Variants in MITF observed in about 807,000 individuals in gnomAD.
MITF encodes microphthalmia-associated transcription factor.
MITF carries 17 observed loss-of-function variants against 60.5 expected under a neutral mutation model. The observed-to-expected ratio is 0.28, with a 90% CI of 0.19 to 0.42. The LOEUF (loss-of-function observed/expected upper bound fraction) is 0.42. Among genes scored for constraint, MITF ranks in the 10% least tolerant of loss-of-function variants. MITF has a pLI of 1.00. For missense variants in MITF, 622 were observed against 683.5 expected, an observed-to-expected ratio of 0.91 and a Z score of 1.00; for synonymous variants, 260 against 248.5, an observed-to-expected ratio of 1.05 and a Z score of -0.43.
chr3:69,845,011 T>C (rs2063705946), intron 1 of MITF, among the ~76,000 whole-genome samples: 1 of 152,230 alleles, frequency 6.6e-6, no homozygotes, highest in Non-Finnish European at 1.5e-5. Flanking sequence ...GATGTTTAAC[T>C]GTAAACCCTC....
intron 5 of MITF, among the ~76,000 whole-genome samples, chr3:69,946,865 T>C (rs1021704969): frequency 3.3e-5 from 5 of 152,176 alleles, no homozygotes; most frequent in African/African-American, 1.2e-4. Flanking sequence ...TCTGTAGTTT[T>C]TCATGCATCT....
chr3:69,794,533 C>G (rs1380749147), intron 1 of MITF, among the ~76,000 whole-genome samples: 1 of 152,112 alleles, frequency 6.6e-6, no homozygotes, highest in African/African-American at 2.4e-5. Flanking sequence ...GCTGGAGAAC[C>G]AATTCTCATG....
intron 1 of MITF, among the ~76,000 whole-genome samples, chr3:69,798,930 A>G (rs1480629055): frequency 6.6e-6 from 1 of 152,112 alleles, no homozygotes; most frequent in Non-Finnish European, 1.5e-5. Flanking sequence ...GTACTTAATT[A>G]CTTAATTTGC....
At chr3:69,897,051 A>G (rs544216938) in intron 2 of MITF, among the ~76,000 whole-genome samples, 216 of 152,270 alleles carry the variant, frequency 1.4e-3, no homozygotes, top group African/African-American at 5.0e-3. Flanking sequence ...AATGCAAGGT[A>G]GCAGAAGGTA....
chr3:69,951,446 G>A (rs1166074461), intron 6 of MITF, among the ~76,000 whole-genome samples: 3 of 151,984 alleles, frequency 2.0e-5, no homozygotes, highest in Non-Finnish European at 4.4e-5. Flanking sequence ...TCTATGGCCT[G>A]AAAAGAAAAT....
At chr3:69,925,988 A>G (rs922531717) in intron 2 of MITF, among the ~76,000 whole-genome samples, 2 of 152,118 alleles carry the variant, frequency 1.3e-5, no homozygotes, top group Non-Finnish European at 2.9e-5. Context: ...TTTTCATGCA[A>G]TCAGGGCCTG....
chr3:69,801,509 G>A (rs112223434), intron 1 of MITF, among the ~76,000 whole-genome samples: 5 of 152,100 alleles, frequency 3.3e-5, no homozygotes, highest in African/African-American at 1.2e-4. Context: ...ACTTAACAGT[G>A]GAATATAGAC....
chr3:69,820,792 G>C lies in MITF; in HGVS notation c.105-58342G>C, dbSNP rs141287380. 3.0e-3 allele frequency among the ~76,000 whole-genome samples: 455 copies of C among 152,210 alleles called. 4 individuals are homozygous for C. Among genetic ancestry groups the C allele is most frequent in the Admixed American group, 4.1e-3 (62 of 15,286 alleles). On this transcript the variant is annotated intron_variant, in intron 1 of 9. Transcript: ENST00000352241. Reference sequence around the variant, plus strand: ...CACTCTGCACTTTGGGCAACATCGTGAAAAGATATCTTCCTGTAGATCCCT... The same window carrying C: ...CACTCTGCACTTTGGGCAACATCGTCAAAAGATATCTTCCTGTAGATCCCT...
At chr3:69,936,051 C>T (rs906340112) in intron 2 of MITF, among the ~76,000 whole-genome samples, 2 of 152,022 alleles carry the variant, frequency 1.3e-5, no homozygotes, top group African/African-American at 2.4e-5. Flanking sequence ...GGATAGTGCC[C>T]GGTCTTCCTG....
intron 1 of MITF, among the ~76,000 whole-genome samples, chr3:69,767,539 T>C (rs999588098): frequency 6.6e-6 from 1 of 151,890 alleles, no homozygotes; most frequent in Non-Finnish European, 1.5e-5. Context: ...CAGCCGAGAT[T>C]GCGCCACTGC....
intron 8 of MITF, among the ~76,000 whole-genome samples, chr3:69,958,536 A>G (rs2107534698): frequency 6.6e-6 from 1 of 152,224 alleles, no homozygotes; most frequent in South Asian, 2.1e-4. Flanking sequence ...AAATGGACAA[A>G]GAGAGGCTAG....
At chr3:69,744,791 A>G (rs79695224) in intron 1 of MITF, among the ~76,000 whole-genome samples, 94 of 152,336 alleles carry the variant, frequency 6.2e-4, no homozygotes, top group African/African-American at 1.6e-3. Flanking sequence ...AAGTGTTCAG[A>G]TAAATATTTT....
At chr3:69,746,119 A>G (rs1021430016) in intron 1 of MITF, among the ~76,000 whole-genome samples, 1 of 152,174 alleles carries the variant, frequency 6.6e-6, no homozygotes, top group Non-Finnish European at 1.5e-5. Flanking sequence ...GGAACACTTG[A>G]TTAAAGTGGG....
intron 2 of MITF, among the ~76,000 whole-genome samples, chr3:69,931,889 A>G (rs2065732764): frequency 1.3e-5 from 2 of 152,214 alleles, no homozygotes; most frequent in Non-Finnish European, 2.9e-5. Context: ...AGACATGGCT[A>G]TGGTTTCTAA....
chr3:69,869,509 C>T (rs988858102), intron 1 of MITF, among the ~76,000 whole-genome samples: 7 of 152,148 alleles, frequency 4.6e-5, no homozygotes, highest in East Asian at 1.9e-4. Context: ...GTTTAGTAGG[C>T]GAGCTGGGAC....
chr3:69,882,012 G>A (rs1209136650), intron 2 of MITF, among the ~76,000 whole-genome samples: 2 of 152,098 alleles, frequency 1.3e-5, no homozygotes, highest in African/African-American at 2.4e-5. Flanking sequence ...AGGGAAGAAA[G>A]GTCATAGTTT....
rs180742723 is a variant in MITF at position 69,868,572 on chromosome 3, G to A, written c.105-10562G>A. ...TGATGCCACGGTTTTCGTCTACCAG[G>A]TGTATTTCCCTGAGTCCAGTTCACC... On this transcript the variant is annotated intron_variant, in intron 1 of 9. Transcript: ENST00000352241. Among the ~76,000 whole-genome samples the A allele has an allele frequency of 2.0e-5, 3 of 152,200 alleles. No individual in the cohort carries two copies. In the East Asian group the frequency reaches 5.8e-4, roughly 29 times the overall value.
rs549206579 is a variant in MITF at position 69,900,554 on chromosome 3, C to T, written c.354+21171C>T. On this transcript the variant is annotated intron_variant, in intron 2 of 9. Transcript: ENST00000352241. The stretch of plus-strand genomic sequence containing the variant: ...TGACACTGGCTGACACTTGGCAAAC[C>T]AGTGACCTTCTTTTTGAGCTAGAGT... Among the ~76,000 whole-genome samples the T allele has an allele frequency of 1.2e-4, 18 of 152,256 alleles. No homozygotes were observed. In the South Asian group the frequency reaches 3.5e-3, roughly 30 times the overall value.
intron 2 of MITF, among the ~76,000 whole-genome samples, chr3:69,908,771 C>G (rs1329205234): frequency 6.6e-6 from 1 of 151,980 alleles, no homozygotes; most frequent in Admixed American, 6.6e-5. Context: ...GATTTTTGTT[C>G]TTGTTAGAAG....
Sources: allele counts gnomAD v4.1 joint callset (sites outside exome capture counted in the v4.1 genomes callset), GRCh38; gene constraint gnomAD v4.1.1; transcripts MANE v1.5; gene names NCBI Gene and HGNC (gene_info 2026-07-23, HGNC 2026-07-21).